Variants in USH2A observed in about 807,000 individuals in gnomAD.
USH2A encodes the protein Usher syndrome 2A (autosomal recessive, mild).
A neutral mutation model predicts 538.9 loss-of-function variants in USH2A; 443 were observed. The observed-to-expected ratio is 0.82, with a 90% CI of 0.76 to 0.89. USH2A has a LOEUF of 0.89. USH2A is among the 40% of genes least tolerant of loss of function. The pLI is 0.00. For missense variants in USH2A, 6,633 were observed against 6,324.8 expected (o/e 1.05, Z -1.65); for synonymous variants, 2,413 against 2,273.5 (o/e 1.06, Z -1.75).
intron 49 of USH2A, among the ~76,000 whole-genome samples, chr1:215,800,075 C>T (rs1328173980): frequency 6.6e-6 from 1 of 152,070 alleles, no homozygotes; most frequent in Non-Finnish European, 1.5e-5. Flanking sequence ...CTCTAAATAC[C>T]AAGAGTTAGC....
intron 58 of USH2A, among the ~76,000 whole-genome samples, chr1:215,752,281 T>C (rs1660644952): frequency 6.6e-6 from 1 of 152,168 alleles, no homozygotes; most frequent in Non-Finnish European, 1.5e-5. Context: ...AAAATTTTTA[T>C]AAGGATATGT....
intron 44 of USH2A, among the ~76,000 whole-genome samples, chr1:215,863,114 T>C (rs1664363992): frequency 6.6e-6 from 1 of 152,004 alleles, no homozygotes; most frequent in Non-Finnish European, 1.5e-5. Context: ...AGAATTATAG[T>C]CAGTAAGGGA....
intron 60 of USH2A, among the ~76,000 whole-genome samples, chr1:215,737,325 G>T (rs1204790355): frequency 6.6e-6 from 1 of 151,770 alleles, no homozygotes; most frequent in African/African-American, 2.4e-5. Context: ...TCATAAGAAT[G>T]AATAATAACC....
chr1:215,696,240 G>T (rs1043155346), intron 61 of USH2A, among the ~76,000 whole-genome samples: 2 of 152,298 alleles, frequency 1.3e-5, no homozygotes, highest in Admixed American at 1.3e-4. Flanking sequence ...AGGTCATAAA[G>T]GTCTTCATCC....
At chr1:216,169,516 C>A (rs2034237844) in intron 21 of USH2A, among the ~76,000 whole-genome samples, 1 of 152,112 alleles carries the variant, frequency 6.6e-6, no homozygotes, top group Admixed American at 6.6e-5. Context: ...TGAGAACTTA[C>A]TTATACCTCT....
chr1:216,401,329 T>C (rs967326382), intron 3 of USH2A, among the ~76,000 whole-genome samples: 12 of 151,964 alleles, frequency 7.9e-5, no homozygotes, highest in Admixed American at 2.6e-4. Context: ...GATAGAATCC[T>C]AAAATGTGTT....
At chr1:215,922,991 A>G (rs1666139566) in intron 38 of USH2A, among the ~76,000 whole-genome samples, 1 of 152,090 alleles carries the variant, frequency 6.6e-6, no homozygotes, top group Admixed American at 6.6e-5. Flanking sequence ...GCCATTTCAC[A>G]GTTTTAGAAA....
chr1:216,068,461 C>T (rs1263889425), intron 30 of USH2A, among the ~76,000 whole-genome samples: 1 of 152,164 alleles, frequency 6.6e-6, no homozygotes, highest in Non-Finnish European at 1.5e-5. Flanking sequence ...TGCTGAGCCA[C>T]ACTGCAGAGT....
intron 33 of USH2A, 98 bp downstream of exon 33, chr1:216,000,305 C>T: frequency 6.7e-7 from 1 of 1,494,152 alleles, no homozygotes. Context: ...CATTTAATCA[C>T]AATAAAATTA....
chr1:215,973,674 T>TTG (rs1491491400), intron 35 of USH2A, among the ~76,000 whole-genome samples: 78 of 139,098 alleles, frequency 5.6e-4, no homozygotes, highest in African/African-American at 2.0e-3. Context: ...TTTTTTTTTT[T>TTG]GTCTATCTGA....
intron 50 of USH2A, among the ~76,000 whole-genome samples, chr1:215,793,003 A>T (rs1277775098): frequency 6.6e-6 from 1 of 152,144 alleles, no homozygotes; most frequent in Admixed American, 6.5e-5. Flanking sequence ...AAAAGCATAT[A>T]TTGTCTTTCT....
chr1:216,003,532 T>A (rs2102485768), intron 32 of USH2A, among the ~76,000 whole-genome samples: 1 of 152,028 alleles, frequency 6.6e-6, no homozygotes, highest in African/African-American at 2.4e-5. Context: ...GTGTAAAAGT[T>A]ATGGGAATTT....
chr1:216,175,095 T>C (rs1359808202), intron 21 of USH2A, 157 bp downstream of exon 21: 6 of 1,465,286 alleles, frequency 4.1e-6, no homozygotes, highest in South Asian at 2.8e-5. Context: ...TCTAAAAAGA[T>C]GGACATGCTG....
At chr1:215,791,820 A>G (rs1176544537) in intron 50 of USH2A, among the ~76,000 whole-genome samples, 4 of 152,200 alleles carry the variant, frequency 2.6e-5, no homozygotes, top group Non-Finnish European at 5.9e-5. Flanking sequence ...ATGTGTGTGT[A>G]GCTATGTATG....
chr1:216,125,288 C>T (rs902388335), intron 21 of USH2A, among the ~76,000 whole-genome samples: 24 of 151,190 alleles, frequency 1.6e-4, no homozygotes, highest in African/African-American at 4.8e-4. Context: ...GATCATTAAA[C>T]GTTATCTAAA....
Position 215,674,678 on chromosome 1 carries a change from C to A in USH2A, c.13233G>T (p.Leu4411=). ...AGAAGTTATACTGAGAGTAAGGCTG[C>A]AGGTGGGAAACCAGCAGGCACAGGC... ...GQGLCLLVSH[L]QPYSQYNFSL... Residue 4411 remains leucine (L), a synonymous_variant, in exon 63 of 72, where the codon CTG becomes CTT. Transcript: ENST00000307340. 1 of 1,614,112 alleles carries A rather than the reference C, an allele frequency of 6.2e-7. No individual in the cohort carries two copies.
At chr1:215,989,334 G>T (rs1003477432) in intron 35 of USH2A, among the ~76,000 whole-genome samples, 2 of 152,050 alleles carry the variant, frequency 1.3e-5, no homozygotes, top group Non-Finnish European at 2.9e-5. Flanking sequence ...TCTTCGTGAG[G>T]ATGCAGAGGG....
intron 46 of USH2A, among the ~76,000 whole-genome samples, chr1:215,842,518 T>C (rs1268054146): frequency 2.6e-5 from 4 of 152,204 alleles, no homozygotes; most frequent in East Asian, 3.8e-4. Flanking sequence ...TATATGTTCA[T>C]TGCAGCACTA....
At chr1:215,664,932 T>C (rs1243504117) in intron 64 of USH2A, among the ~76,000 whole-genome samples, 1 of 152,192 alleles carries the variant, frequency 6.6e-6, no homozygotes, top group African/African-American at 2.4e-5. Flanking sequence ...TCTATGATAT[T>C]CCATCATAGC....
Sources: gnomAD v4.1 joint callset for allele counts (sites outside exome capture counted in the v4.1 genomes callset) on GRCh38, gnomAD v4.1.1 for gene constraint, MANE v1.5 for transcripts, NCBI Gene and HGNC (gene_info 2026-07-23, HGNC 2026-07-21) for gene names.